The following OGDH variants were observed in gnomAD, a reference collection of about 807,000 sequenced individuals.
The protein encoded by OGDH is 2-oxoglutarate dehydrogenase complex component E1.
OGDH carries 38 observed loss-of-function variants against 116.6 expected under a neutral mutation model. The observed-to-expected ratio is 0.33, with a 90% confidence interval of 0.25 to 0.43. The LOEUF (loss-of-function observed/expected upper bound fraction) is 0.43, where lower values mean the gene tolerates loss of function less well. Ranked by LOEUF, OGDH falls within the 20% of genes least tolerant of loss-of-function variation. The probability of loss-of-function intolerance (pLI) is 1.00; values close to 1 mark genes in which losing one functional copy is unlikely to be tolerated. For synonymous variants in OGDH, 488 were observed against 533.3 expected (o/e 0.92, Z 1.17); for missense variants, 825 against 1,357.2 (o/e 0.61, Z 6.16).
intron 3 of OGDH, among the ~76,000 whole-genome samples, chr7:44,646,662 T>C (rs1786198121): frequency 6.6e-6 from 1 of 152,218 alleles, no homozygotes; most frequent in Non-Finnish European, 1.5e-5. Flanking sequence ...CTCAAATTGC[T>C]AGCAAGAAGT....
intron 1 of OGDH, among the ~76,000 whole-genome samples, chr7:44,614,143 A>G (rs908888736): frequency 6.6e-6 from 1 of 150,464 alleles, no homozygotes; most frequent in African/African-American, 2.4e-5. Flanking sequence ...TTGTAGATAT[A>G]GGGTCTTGCT....
chr7:44,676,285 G>A, intron 9 of OGDH, 136 bp downstream of exon 9: 1 of 1,534,852 alleles, frequency 6.5e-7, no homozygotes, highest in Non-Finnish European at 8.8e-7. Context: ...GCCGGGCGCA[G>A]TGTCTCACGC....
intron 2 of OGDH, among the ~76,000 whole-genome samples, chr7:44,641,209 CTTTTT>C (rs781147896): frequency 9.2e-6 from 1 of 108,592 alleles, no homozygotes; most frequent in African/African-American, 3.2e-5. Flanking sequence ...CCTTTTTCTT[CTTTTT>C]TTTTTTTTTT....
At position 44,697,805 on chromosome 7, in the gene OGDH, C is replaced by A; in HGVS notation, c.2358+23C>A. The A allele has an allele frequency of 6.2e-7, 1 of 1,605,424 alleles. No individual in the cohort carries two copies. Among genetic ancestry groups the A allele is most frequent in the Non-Finnish European group, 8.5e-7 (1 of 1,175,756 alleles). On this transcript the variant is annotated intron_variant, in intron 17 of 22. Transcript: ENST00000222673. The surrounding 1 kb of genome is among the most constrained non-coding windows in gnomAD (Gnocchi z 6.0). The stretch of plus-strand genomic sequence containing the variant: ...ATGGTGAGCCTCTGGCCCTTCCCTG[C>A]CAGACCTAGGACTTGGGAAGGGCCT...
Position 44,704,218 on chromosome 7 carries a change from T to A in OGDH, c.2632+2603T>A, listed in dbSNP as rs549060735. 2.6e-5 allele frequency among the ~76,000 whole-genome samples: 4 copies of A among 152,322 alleles called. No individual in the cohort carries two copies. The South Asian group carries it at 8.3e-4, about 32-fold the overall frequency. On this transcript the variant is annotated intron_variant, in intron 20 of 22. Coordinates refer to ENST00000222673, the MANE Select transcript of OGDH (RefSeq NM_002541.4). The stretch of plus-strand genomic sequence containing the variant: ...CTACATCCTCATCAGCACCTACTAT[T>A]TTCTGGTTTTTTCATAGTAGCCATC...
At chr7:44,608,022 C>T (rs1438133679) in intron 1 of OGDH, among the ~76,000 whole-genome samples, 1 of 152,022 alleles carries the variant, frequency 6.6e-6, no homozygotes, top group East Asian at 1.9e-4. Flanking sequence ...TTTTTAAGCG[C>T]ACTTTTCACA....
intron 1 of OGDH, among the ~76,000 whole-genome samples, chr7:44,615,879 AGC>A (rs543191792): frequency 6.6e-6 from 1 of 152,128 alleles, no homozygotes; most frequent in Non-Finnish European, 1.5e-5. Flanking sequence ...TACAAAAATT[AGC>A]CAGGCATGGT....
chr7:44,682,291 A>G (rs906575506), intron 10 of OGDH, among the ~76,000 whole-genome samples: 1 of 152,106 alleles, frequency 6.6e-6, no homozygotes, highest in East Asian at 1.9e-4. Flanking sequence ...AGGCTGAGGC[A>G]GGAGAATTGC....
Position 44,692,871 on chromosome 7 carries a change from C to CA in OGDH, c.1336-946dup, listed in dbSNP as rs1014085504. On this transcript the variant is annotated intron_variant, in intron 10 of 22. Transcript: ENST00000222673. ...GCAACATGGCAAGACCCCATCTCTA[C>CA]AAAAAAAATTTAAAAATTAGCTGGG... Among the ~76,000 whole-genome samples, 6 of 151,366 alleles carry CA rather than the reference C, an allele frequency of 4.0e-5. No homozygotes were observed. In the East Asian group the frequency reaches 7.8e-4, roughly 20 times the overall value.
chr7:44,626,634 CTG>C (rs1430424496), intron 2 of OGDH, among the ~76,000 whole-genome samples: 5 of 152,226 alleles, frequency 3.3e-5, no homozygotes, highest in Admixed American at 3.3e-4. Context: ...AAGGTGCACT[CTG>C]TGAGCAGTGT....
Position 44,669,145 on chromosome 7 carries a change from CT to C in OGDH, c.633+2319del, listed in dbSNP as rs869250474. Among the ~76,000 whole-genome samples, 320 of 77,804 alleles carry C rather than the reference CT, an allele frequency of 4.1e-3. 1 individual carries two copies. Among genetic ancestry groups the C allele is most frequent in the African/African-American group, 0.015 (206 of 13,668 alleles). 51.0% of individuals were successfully genotyped at this position (77,804 alleles called of 152,430 possible). A position where few individuals can be genotyped will look rare whatever the true frequency, so the allele number is the denominator to read the frequency against. On this transcript the variant is annotated intron_variant, in intron 5 of 22. Coordinates refer to ENST00000222673, the MANE Select transcript of OGDH (RefSeq NM_002541.4). ...GAGTCCCCTGTGGGGAGCCCGGCAGCTTTTTTTTTTTTTTTTTTTTTTTTTG... is the reference window on the plus strand; with the variant it reads ...GAGTCCCCTGTGGGGAGCCCGGCAGCTTTTTTTTTTTTTTTTTTTTTTTTG...
chr7:44,698,078 C>A, intron 17 of OGDH, 114 bp from the exon 18 acceptor site: 3 of 1,216,136 alleles, frequency 2.5e-6, no homozygotes, highest in East Asian at 2.4e-5. Flanking sequence ...CTGAACCCTG[C>A]CATCAAGAAA....
chr7:44,658,856 G>T (rs937283996), intron 4 of OGDH, among the ~76,000 whole-genome samples: 1 of 151,816 alleles, frequency 6.6e-6, no homozygotes, highest in African/African-American at 2.4e-5. Flanking sequence ...TATTTTTTGA[G>T]ACTGATTCTT....
At chr7:44,653,792 C>T (rs1358863284) in intron 4 of OGDH, among the ~76,000 whole-genome samples, 2 of 150,666 alleles carry the variant, frequency 1.3e-5, no homozygotes, top group African/African-American at 4.9e-5. Context: ...TCACAAAGTG[C>T]TGGGATTACA....
intron 1 of OGDH, among the ~76,000 whole-genome samples, chr7:44,612,176 G>A (rs947195959): frequency 5.9e-5 from 9 of 152,046 alleles, no homozygotes; most frequent in African/African-American, 2.2e-4. Flanking sequence ...CCATTGAATT[G>A]CTTTTGCACT....
At chr7:44,640,700 A>G (rs968063436) in intron 2 of OGDH, among the ~76,000 whole-genome samples, 8 of 152,044 alleles carry the variant, frequency 5.3e-5, no homozygotes, top group African/African-American at 1.9e-4. Flanking sequence ...GGTTTAATAA[A>G]GTTTGGGTTG....
At chr7:44,700,059 C>A in intron 18 of OGDH, 82 bp from the exon 19 acceptor site, 1 of 1,453,894 alleles carries the variant, frequency 6.9e-7, no homozygotes, top group Non-Finnish European at 9.5e-7. Context: ...AATATCCAAA[C>A]TAGATCACCT....
intron 2 of OGDH, among the ~76,000 whole-genome samples, chr7:44,638,100 C>T (rs2115679267): frequency 6.6e-6 from 1 of 152,306 alleles, no homozygotes; most frequent in East Asian, 1.9e-4. Context: ...GTGACATTGT[C>T]ATTGGTGGTC....
intron 20 of OGDH, among the ~76,000 whole-genome samples, chr7:44,702,379 A>G (rs1788871964): frequency 1.3e-5 from 2 of 152,160 alleles, no homozygotes; most frequent in Admixed American, 6.5e-5. Flanking sequence ...TGCCAGCTGC[A>G]CTTGTGTGAA....
Sources: allele counts gnomAD v4.1 joint callset (sites outside exome capture counted in the v4.1 genomes callset), GRCh38; gene constraint gnomAD v4.1.1; non-coding constraint Gnocchi (gnomAD v3.1); transcripts MANE v1.5; gene names NCBI Gene and HGNC (gene_info 2026-07-23, HGNC 2026-07-21).